Variants in STX8 observed in about 807,000 individuals in gnomAD.
STX8 encodes syntaxin-8.
Under a neutral mutation model 37.5 loss-of-function variants are expected in STX8, and 23 were observed. That is an observed-to-expected ratio of 0.61 (90% CI 0.44 to 0.87). The LOEUF is 0.87. STX8 is among the 40% of genes least tolerant of loss of function. STX8 has a pLI of 0.00. For synonymous variants in STX8, 115 were observed against 99.1 expected (o/e 1.16, Z -0.95); for missense variants, 313 against 284.7 (o/e 1.10, Z -0.71).
At chr17:9,304,967 G>T (rs1908923236) in intron 7 of STX8, among the ~76,000 whole-genome samples, 1 of 150,994 alleles carries the variant, frequency 6.6e-6, no homozygotes, top group Non-Finnish European at 1.5e-5. Flanking sequence ...ACTTATGATG[G>T]TTTGGCTTAA....
intron 7 of STX8, among the ~76,000 whole-genome samples, chr17:9,309,374 GCTT>G (rs1463954345): frequency 2.0e-5 from 3 of 152,108 alleles, no homozygotes; most frequent in Non-Finnish European, 4.4e-5. Context: ...TTAACTCAGG[GCTT>G]CTTCTTGAAA....
intron 5 of STX8, 56 bp from the exon 6 acceptor site, chr17:9,491,977 C>T: frequency 7.8e-7 from 1 of 1,280,768 alleles, no homozygotes; most frequent in Non-Finnish European, 1.1e-6. Flanking sequence ...AACTTAAAGT[C>T]CATAAGTATA....
chr17:9,574,555 A>G (rs12939879), intron 1 of STX8, among the ~76,000 whole-genome samples: 98,671 of 150,746 alleles, frequency 0.65, 35,187 homozygotes, highest in East Asian at 0.98. Context: ...TTTTTTTGAG[A>G]CGGAGTTTCG....
intron 7 of STX8, among the ~76,000 whole-genome samples, chr17:9,360,136 A>C (rs1911013429): frequency 6.6e-6 from 1 of 152,062 alleles, no homozygotes; most frequent in South Asian, 2.1e-4. Flanking sequence ...GCCATAATTT[A>C]ATGGAAAGGG....
intron 6 of STX8, among the ~76,000 whole-genome samples, chr17:9,465,766 C>T (rs1905586614): frequency 6.6e-6 from 1 of 152,146 alleles, no homozygotes; most frequent in South Asian, 2.1e-4. Context: ...GCCAGGGCAG[C>T]CACTGCACTG....
At chr17:9,298,223 A>T (rs1391878915) in intron 7 of STX8, among the ~76,000 whole-genome samples, 1 of 152,186 alleles carries the variant, frequency 6.6e-6, no homozygotes, top group Non-Finnish European at 1.5e-5. Context: ...GAGCAGAAGA[A>T]GATGGACAGT....
chr17:9,324,522 G>A (rs966260478), intron 7 of STX8, among the ~76,000 whole-genome samples: 1 of 152,018 alleles, frequency 6.6e-6, no homozygotes, highest in African/African-American at 2.4e-5. Context: ...CTGCACTTTG[G>A]GGGGCTGAGG....
intron 4 of STX8, among the ~76,000 whole-genome samples, chr17:9,509,655 C>G (rs537968730): frequency 1.3e-5 from 2 of 152,042 alleles, no homozygotes; most frequent in East Asian, 1.9e-4. Context: ...AGAAATCAAG[C>G]CTTATCACTT....
intron 7 of STX8, among the ~76,000 whole-genome samples, chr17:9,360,988 T>C (rs189325843): frequency 2.1e-3 from 314 of 152,250 alleles, no homozygotes; most frequent in Non-Finnish European, 3.4e-3. Context: ...TCCAGAGAAA[T>C]TGACCTTCGT....
In STX8 at chr17:9,273,707, G is replaced by A. The variant is rs75077919; in HGVS notation, c.644-23062C>T. Among the ~76,000 whole-genome samples, 539 of 152,370 alleles carry A rather than the reference G, an allele frequency of 3.5e-3. 6 individuals are homozygous for A. The highest frequency in any genetic ancestry group is 0.021 in the East Asian group (108 of 5,192). On this transcript the variant is annotated intron_variant, in intron 7 of 7. Transcript: ENST00000306357. ...TGATGATTTCAAAATTTATCTAAAC[G>A]AATGTGGAGGCCAGTACAGGCTATT...
intron 6 of STX8, among the ~76,000 whole-genome samples, chr17:9,491,125 C>T (rs1044279030): frequency 6.6e-5 from 10 of 152,180 alleles, no homozygotes; most frequent in African/African-American, 2.4e-4. Flanking sequence ...GTCAACTGGA[C>T]ATCTCCCGCC....
intron 6 of STX8, among the ~76,000 whole-genome samples, chr17:9,385,843 C>T (rs1293331431): frequency 2.6e-5 from 4 of 152,182 alleles, no homozygotes; most frequent in South Asian, 2.1e-4. Flanking sequence ...GCACGATCTC[C>T]GCTCACTGCA....
At chr17:9,518,860 C>T (rs541498498) in intron 4 of STX8, among the ~76,000 whole-genome samples, 91 of 144,330 alleles carry the variant, frequency 6.3e-4, no homozygotes, top group Non-Finnish European at 9.9e-4. Context: ...CAGAGCGAGA[C>T]TCCGTCTCAA....
intron 7 of STX8, among the ~76,000 whole-genome samples, chr17:9,331,664 G>C (rs74370928): frequency 1.3e-5 from 2 of 152,084 alleles, no homozygotes; most frequent in Non-Finnish European, 2.9e-5. Context: ...AATTTGCATC[G>C]CCAATGCTGC....
intron 5 of STX8, among the ~76,000 whole-genome samples, chr17:9,495,837 G>C (rs1904376943): frequency 6.6e-6 from 1 of 152,138 alleles, no homozygotes; most frequent in Non-Finnish European, 1.5e-5. Flanking sequence ...AAGGTGGTAT[G>C]GCTATCTTAG....
At chr17:9,266,655 T>C (rs1326908770) in intron 7 of STX8, among the ~76,000 whole-genome samples, 2 of 151,996 alleles carry the variant, frequency 1.3e-5, no homozygotes. Context: ...GTGCTCTGGG[T>C]GGAGAGCCAC....
intron 7 of STX8, among the ~76,000 whole-genome samples, chr17:9,306,315 A>T (rs937322434): frequency 6.6e-6 from 1 of 152,160 alleles, no homozygotes; most frequent in African/African-American, 2.4e-5. Context: ...TTGTTAAGCG[A>T]AACAGACCTG....
At chr17:9,552,356 A>C (rs1180857992) in intron 3 of STX8, among the ~76,000 whole-genome samples, 1 of 152,178 alleles carries the variant, frequency 6.6e-6, no homozygotes, top group Non-Finnish European at 1.5e-5. Context: ...AAGTCAGAAA[A>C]AAAGTTCTTA....
Position 9,507,772 on chromosome 17 carries a change from G to A in STX8, c.324-2610C>T, listed in dbSNP as rs1904893228. 1.3e-5 allele frequency among the ~76,000 whole-genome samples: 2 copies of A among 152,174 alleles called. No homozygotes were observed. Among genetic ancestry groups the A allele is most frequent in the East Asian group, 3.9e-4 (2 of 5,172 alleles). On this transcript the variant is annotated intron_variant, in intron 4 of 7. Transcript: ENST00000306357. This position sits in a 1 kb window ranked among gnomAD's most constrained non-coding sequence, Gnocchi z 4.0. ...AAAGTCATGCCACCACCACCACAAA[G>A]CCTCTCAGCTGAGGCCACTGAGACA...
Sources: gnomAD v4.1 joint callset for allele counts (sites outside exome capture counted in the v4.1 genomes callset) on GRCh38, gnomAD v4.1.1 for gene constraint, Gnocchi (gnomAD v3.1) non-coding constraint, MANE v1.5 for transcripts, NCBI Gene and HGNC (gene_info 2026-07-23, HGNC 2026-07-21) for gene names.